INSR: variants seen among roughly 807,000 people sequenced by gnomAD.
INSR encodes insulin receptor.
A neutral mutation model predicts 142.6 loss-of-function variants in INSR; 67 were observed. The ratio of observed to expected loss-of-function variants is 0.47; its 90% CI spans 0.39 to 0.58. The LOEUF (loss-of-function observed/expected upper bound fraction) is 0.58. INSR is among the 20% of genes least tolerant of loss of function. The pLI is 0.00. For synonymous variants in INSR, 756 were observed against 743.1 expected, an observed-to-expected ratio of 1.02 and a Z score of -0.28; for missense variants, 1,248 against 1,833.2, an observed-to-expected ratio of 0.68 and a Z score of 5.83.
At chr19:7,177,580 T>C (rs1483609307) in intron 3 of INSR, among the ~76,000 whole-genome samples, 1 of 151,902 alleles carries the variant, frequency 6.6e-6, no homozygotes, top group Non-Finnish European at 1.5e-5. Flanking sequence ...CAGGCTGGAG[T>C]ACAATGGCAC....
At chr19:7,244,710 A>G (rs528462710) in intron 2 of INSR, among the ~76,000 whole-genome samples, 1 of 152,266 alleles carries the variant, frequency 6.6e-6, no homozygotes, top group South Asian at 2.1e-4. Flanking sequence ...TGTTACATTA[A>G]GATTAGAGAC....
chr19:7,241,394 C>A (rs113625067), intron 2 of INSR, among the ~76,000 whole-genome samples: 1 of 151,800 alleles, frequency 6.6e-6, no homozygotes, highest in African/African-American at 2.4e-5. Flanking sequence ...ATTGCCCAGG[C>A]GGGTGGATCA....
chr19:7,220,110 A>T (rs1401807719), intron 2 of INSR, among the ~76,000 whole-genome samples: 5 of 152,166 alleles, frequency 3.3e-5, no homozygotes, highest in African/African-American at 1.2e-4. Context: ...GGCTCTGGGA[A>T]TAGAGTCCAC....
At chr19:7,184,196 A>T in intron 3 of INSR, 120 bp downstream of exon 3, 5 of 845,606 alleles carry the variant, frequency 5.9e-6, no homozygotes, top group Non-Finnish European at 9.6e-6. Context: ...GAGAGCAGAG[A>T]CCTCACTCAT....
intron 1 of INSR, among the ~76,000 whole-genome samples, chr19:7,279,314 A>G (rs1267526744): frequency 2.6e-5 from 4 of 151,806 alleles, no homozygotes; most frequent in African/African-American, 9.7e-5. Context: ...AAATTAAAAA[A>G]TAAAAAAGAA....
rs771496946 is a variant in INSR, at chr19:7,166,126, C to A, written c.1861+28G>T. The stretch of plus-strand genomic sequence containing the variant: ...AAAAGCAAGAGGTCTGATTCACATA[C>A]GAATTCACATTCCCAAGACACACTC... On this transcript the variant is annotated intron_variant, in intron 8 of 21. Transcript: ENST00000302850. The surrounding 1 kb of genome is among the most constrained non-coding windows in gnomAD (Gnocchi z 4.1). 6.2e-7 allele frequency: 1 copy of A among 1,613,408 alleles called. No homozygotes were observed. Among genetic ancestry groups the A allele is most frequent in the Non-Finnish European group, 8.5e-7 (1 of 1,179,682 alleles).
intron 2 of INSR, among the ~76,000 whole-genome samples, chr19:7,245,228 G>A (rs954792655): frequency 4.6e-5 from 7 of 151,964 alleles, no homozygotes; most frequent in Non-Finnish European, 8.8e-5. Flanking sequence ...GAGCCACCGC[G>A]CCCAGCCCTC....
At chr19:7,205,947 G>A (rs1975095450) in intron 2 of INSR, among the ~76,000 whole-genome samples, 1 of 152,108 alleles carries the variant, frequency 6.6e-6, no homozygotes, top group Non-Finnish European at 1.5e-5. Flanking sequence ...GGAGTGCAAG[G>A]ACTTATGGTA....
Position 7,168,487 on chromosome 19 carries a change from C to G in INSR, c.1484-393G>C, listed in dbSNP as rs1213325777. ...GACTGACCTGGAAGGAGGTGCAACT[C>G]CAGTGCAAATAAACCTATGCCAAGT... On this transcript the variant is annotated intron_variant, in intron 6 of 21. Coordinates refer to ENST00000302850, the MANE Select transcript of INSR (RefSeq NM_000208.4). This position sits in a 1 kb window ranked among gnomAD's most constrained non-coding sequence, Gnocchi z 4.3. Among the ~76,000 whole-genome samples, 1 of 152,164 alleles carries G rather than the reference C, an allele frequency of 6.6e-6. No individual in the cohort carries two copies. The highest frequency in any genetic ancestry group is 2.4e-5 in the African/African-American group (1 of 41,432).
At chr19:7,145,672 A>G (rs1568443610) in intron 11 of INSR, among the ~76,000 whole-genome samples, 2 of 152,262 alleles carry the variant, frequency 1.3e-5, no homozygotes, top group South Asian at 2.1e-4. Context: ...TTGCATTCCA[A>G]TAAGAGTTCA....
chr19:7,172,164 G>A, intron 5 of INSR, 126 bp downstream of exon 5: 1 of 934,326 alleles, frequency 1.1e-6, no homozygotes, highest in Non-Finnish European at 1.7e-6. Flanking sequence ...CACCCACGTT[G>A]GCCTCCTAAA....
At chr19:7,270,638 A>G (rs1306720680) in intron 1 of INSR, among the ~76,000 whole-genome samples, 1 of 152,048 alleles carries the variant, frequency 6.6e-6, no homozygotes, top group Non-Finnish European at 1.5e-5. Context: ...TGTGGTTGTA[A>G]TTCCAGCTAC....
At chr19:7,122,546 G>T in intron 19 of INSR, 68 bp downstream of exon 19, 1 of 1,543,372 alleles carries the variant, frequency 6.5e-7, no homozygotes, top group South Asian at 1.1e-5. Context: ...GCTCATTATA[G>T]ACAACTTCCT....
At chr19:7,153,358 C>CACCACACATACCA in intron 9 of INSR, among the ~76,000 whole-genome samples, 1 of 94,318 alleles carries the variant, frequency 1.1e-5, no homozygotes, top group Non-Finnish European at 1.9e-5. Flanking sequence ...AGACCACACA[C>CACCACACATACCA]CACACACCCC....
chr19:7,152,961 C>A, intron 9 of INSR, 34 bp from the exon 10 acceptor site: 1 of 1,541,554 alleles, frequency 6.5e-7, no homozygotes, highest in South Asian at 1.1e-5. Context: ...GGGCTCAAGT[C>A]TCTGCGGCTG....
At chr19:7,290,268 G>C (rs76036948) in intron 1 of INSR, among the ~76,000 whole-genome samples, 1 of 151,898 alleles carries the variant, frequency 6.6e-6, no homozygotes, top group Non-Finnish European at 1.5e-5. Flanking sequence ...TAGCCAGGCA[G>C]GGTGGCGTGT....
chr19:7,265,642 GGAGAACCGC>G (rs1967699538), intron 2 of INSR, among the ~76,000 whole-genome samples: 1 of 151,720 alleles, frequency 6.6e-6, no homozygotes, highest in African/African-American at 2.4e-5. Flanking sequence ...GGCTGGGGCA[GGAGAACCGC>G]TTGAACCCGG....
rs367636390 is a variant in INSR, at chr19:7,267,938, C to T, written c.101-42G>A. The T allele has an allele frequency of 6.5e-7, 1 of 1,534,874 alleles. No individual in the cohort carries two copies. Among genetic ancestry groups the T allele is most frequent in the Non-Finnish European group, 9.0e-7 (1 of 1,115,786 alleles). On this transcript the variant is annotated intron_variant, in intron 1 of 21. Coordinates refer to ENST00000302850, the MANE Select transcript of INSR (RefSeq NM_000208.4). The surrounding 1 kb of genome is among the most constrained non-coding windows in gnomAD (Gnocchi z 6.3). ...ACAGAAAGCAAGACAGGTGAGCAGA[C>T]GCACGGTGGATGCATCAGAAGGATC...
In INSR at chr19:7,218,500, GTTTTTTCTGTTTGTTTGTTTTGTTGT is replaced by G. The variant is rs535494403; in HGVS notation, c.653-33889_653-33864del. The stretch of plus-strand genomic sequence containing the variant: ...TTGCCTCTTGTTTTTTGTTTTGTTG[GTTTTTTCTGTTTGTTTGTTTTGTTGT>G]TTTTTTCTGTTTGTTTGTTTCTTTG... On this transcript the variant is annotated intron_variant, in intron 2 of 21. Transcript: ENST00000302850. Among the ~76,000 whole-genome samples the G allele has an allele frequency of 1.4e-3, 210 of 151,956 alleles. 1 individual carries two copies. The South Asian group carries it at 0.017, about 13-fold the overall frequency.
Sources: gnomAD v4.1 joint callset for allele counts (sites outside exome capture counted in the v4.1 genomes callset) on GRCh38, gnomAD v4.1.1 for gene constraint, Gnocchi (gnomAD v3.1) non-coding constraint, MANE v1.5 for transcripts, NCBI Gene and HGNC (gene_info 2026-07-23, HGNC 2026-07-21) for gene names.